The following LARGE1 variants were observed in gnomAD, a reference collection of about 807,000 sequenced individuals.
The protein encoded by LARGE1 is LARGE xylosyl- and glucuronyltransferase 1, also known as xylosyl- and glucuronyltransferase LARGE1.
Under a neutral mutation model 87.6 loss-of-function variants are expected in LARGE1, and 43 were observed. That is an observed-to-expected ratio of 0.49 (90% confidence interval 0.38 to 0.63). The LOEUF (loss-of-function observed/expected upper bound fraction) is 0.63. LARGE1 is among the 30% of genes least tolerant of loss of function. The pLI is 0.00. For synonymous variants in LARGE1, 434 were observed against 394.6 expected, an observed-to-expected ratio of 1.10 and a Z score of -1.18; for missense variants, 802 against 1,000.2, an observed-to-expected ratio of 0.80 and a Z score of 2.67.
At chr22:33,161,754 G>GC (rs1262140931), downstream of LARGE1, among the ~76,000 whole-genome samples, 1 of 152,194 alleles carries the variant, frequency 6.6e-6, no homozygotes, top group African/African-American at 2.4e-5. Flanking sequence ...GCATAATACA[G>GC]CCCCCCTCCC....
intron 1 of LARGE1, among the ~76,000 whole-genome samples, chr22:33,808,694 T>G (rs1179517393): frequency 6.6e-6 from 1 of 152,236 alleles, no homozygotes. Flanking sequence ...ACACTGGAGT[T>G]GCACTTCTTT....
chr22:33,446,495 G>T (rs1174734475), intron 6 of LARGE1, among the ~76,000 whole-genome samples: 3 of 152,160 alleles, frequency 2.0e-5, no homozygotes, highest in African/African-American at 7.2e-5. Flanking sequence ...ACTAATTCTG[G>T]GTAGTTAGGG....
intron 2 of LARGE1, among the ~76,000 whole-genome samples, chr22:33,681,386 C>T (rs1025618655): frequency 2.0e-5 from 3 of 152,180 alleles, no homozygotes; most frequent in East Asian, 1.9e-4. Flanking sequence ...CCAGGGTTCA[C>T]GTCCCAGGTC....
chr22:33,587,543 T>C (rs778415803), intron 5 of LARGE1, among the ~76,000 whole-genome samples: 17 of 152,180 alleles, frequency 1.1e-4, no homozygotes, highest in Non-Finnish European at 1.9e-4. Context: ...TCTTATTCTT[T>C]ACCCATTTTT....
intron 6 of LARGE1, among the ~76,000 whole-genome samples, chr22:33,558,424 C>T (rs558963866): frequency 2.0e-4 from 31 of 152,310 alleles, no homozygotes; most frequent in African/African-American, 7.2e-4. Context: ...GAAAGAAACA[C>T]GCAAGGTCCA....
intron 5 of LARGE1, among the ~76,000 whole-genome samples, chr22:33,565,393 T>C (rs2077992427): frequency 6.6e-6 from 1 of 152,236 alleles, no homozygotes; most frequent in Non-Finnish European, 1.5e-5. Context: ...CAAATACTTT[T>C]GCAACCAGTA....
At chr22:33,580,825 G>A (rs1235727753) in intron 5 of LARGE1, among the ~76,000 whole-genome samples, 1 of 152,200 alleles carries the variant, frequency 6.6e-6, no homozygotes, top group African/African-American at 2.4e-5. Flanking sequence ...AGCCAGTAGT[G>A]AGCAGATTTA....
chr22:33,367,395 C>G (rs925264873), intron 9 of LARGE1, among the ~76,000 whole-genome samples: 2 of 152,092 alleles, frequency 1.3e-5, no homozygotes, highest in Admixed American at 1.3e-4. Context: ...AATTTGATTG[C>G]ATTTGAATTT....
chr22:33,518,659 T>C (rs2071421658), intron 6 of LARGE1, among the ~76,000 whole-genome samples: 1 of 152,076 alleles, frequency 6.6e-6, no homozygotes, highest in Non-Finnish European at 1.5e-5. Flanking sequence ...TCTGGGCCCT[T>C]CTCCCCTAGT....
intron 11 of LARGE1, among the ~76,000 whole-genome samples, chr22:33,245,533 G>A (rs1358880332): frequency 2.6e-5 from 4 of 152,162 alleles, no homozygotes; most frequent in Non-Finnish European, 5.9e-5. Context: ...CTTCAGGATT[G>A]TACTGGTGAA....
chr22:33,168,035 G>GT (rs1412687907), intron 11 of LARGE1, among the ~76,000 whole-genome samples: 2 of 152,284 alleles, frequency 1.3e-5, no homozygotes, highest in South Asian at 4.1e-4. Flanking sequence ...TAAGACAAAA[G>GT]TCTTTTTCCT....
chr22:33,179,960 T>A (rs1479151460), intron 11 of LARGE1, among the ~76,000 whole-genome samples: 1 of 151,522 alleles, frequency 6.6e-6, no homozygotes, highest in African/African-American at 2.4e-5. Context: ...TGAATGGGAG[T>A]AAGGCCCTCG....
At position 33,292,043 on chromosome 22, in the gene LARGE1, G is replaced by A. The variant is rs573852655; in HGVS notation, c.1731-8695C>T. 3.9e-5 allele frequency among the ~76,000 whole-genome samples: 6 copies of A among 152,230 alleles called. No homozygotes were observed. In the East Asian group the frequency reaches 9.7e-4, roughly 25 times the overall value. On this transcript the variant is annotated intron_variant, in intron 12 of 14. Transcript: ENST00000397394. The stretch of plus-strand genomic sequence containing the variant: ...AGGGAGGCGGAGGTTGCAATGAGCC[G>A]AGATCGTGCCACTGTACTCCAGTCT...
At chr22:33,733,914 A>C (rs1277806773) in intron 2 of LARGE1, among the ~76,000 whole-genome samples, 3 of 152,222 alleles carry the variant, frequency 2.0e-5, no homozygotes, top group Non-Finnish European at 4.4e-5. Context: ...ACAAACAAAG[A>C]ATCACAACCT....
chr22:33,522,931 C>A (rs1379468105), intron 6 of LARGE1, among the ~76,000 whole-genome samples: 4 of 152,026 alleles, frequency 2.6e-5, no homozygotes, highest in Non-Finnish European at 5.9e-5. Context: ...TGGCTTGAGC[C>A]CGGGAGGTAG....
chr22:33,203,099 CTCTGTGTGTGTGTG>C (rs1227134384), intron 11 of LARGE1, among the ~76,000 whole-genome samples: 1 of 129,022 alleles, frequency 7.8e-6, no homozygotes, highest in Non-Finnish European at 1.7e-5. Context: ...CTCTCTCTCT[CTCTGTGTGTGTGTG>C]TGTGTGTGTG....
chr22:33,165,576 C>T (rs1922226636), exon 12 of LARGE1: 1 of 152,178 alleles, frequency 6.6e-6, no homozygotes, highest in African/African-American at 2.4e-5. Context: ...ATCCAAACCC[C>T]CAAAATTCTG....
intron 1 of LARGE1, among the ~76,000 whole-genome samples, chr22:33,778,435 A>G (rs919132055): frequency 1.3e-5 from 2 of 152,132 alleles, no homozygotes; most frequent in Non-Finnish European, 2.9e-5. Flanking sequence ...TCTAATTCTA[A>G]AACATTTCCA....
chr22:33,466,764 C>T (rs971367422), intron 6 of LARGE1, among the ~76,000 whole-genome samples: 1 of 151,058 alleles, frequency 6.6e-6, no homozygotes, highest in Non-Finnish European at 1.5e-5. Flanking sequence ...TATCACCAGG[C>T]ATGGTGGCTC....
Sources: gnomAD v4.1 joint callset for allele counts (sites outside exome capture counted in the v4.1 genomes callset) on GRCh38, gnomAD v4.1.1 for gene constraint, MANE v1.5 for transcripts, NCBI Gene and HGNC (gene_info 2026-07-23, HGNC 2026-07-21) for gene names.